Variants in MECOM observed in about 807,000 individuals in gnomAD.
MECOM encodes MDS1 and EVI1 complex locus.
In MECOM, 13 loss-of-function variants were observed where a neutral mutation model predicts 116.3. The ratio of observed to expected loss-of-function variants is 0.11; its 90% CI spans 0.07 to 0.18. The LOEUF (loss-of-function observed/expected upper bound fraction) is 0.18. Among genes scored for constraint, MECOM ranks in the 10% least tolerant of loss-of-function variants. The pLI, the probability that MECOM is intolerant of heterozygous loss-of-function variation, is 1.00. For synonymous variants in MECOM, 528 were observed against 535.2 expected, an observed-to-expected ratio of 0.99 and a Z score of 0.19; for missense variants, 1,299 against 1,509.0, an observed-to-expected ratio of 0.86 and a Z score of 2.31.
intron 1 of MECOM, among the ~76,000 whole-genome samples, chr3:169,578,891 T>A (rs1385932811): frequency 1.3e-5 from 2 of 152,196 alleles, no homozygotes; most frequent in African/African-American, 2.4e-5. Context: ...CTTTCAGATT[T>A]GGGTAAGACC....
chr3:169,611,880 A>G lies in MECOM; in HGVS notation c.37+51456T>C, dbSNP rs1030182157. ...AATTTAAGTAGCTGGAAATCATAAT[A>G]TCTATGATCCTCCAGAGTCTAGAAC... On this transcript the variant is annotated intron_variant, in intron 1 of 16. Coordinates refer to ENST00000651503, the MANE Select transcript of MECOM (RefSeq NM_004991.4). This position sits in a 1 kb window ranked among gnomAD's most constrained non-coding sequence, Gnocchi z 4.1. 1.3e-5 allele frequency among the ~76,000 whole-genome samples: 2 copies of G among 152,200 alleles called. No homozygotes were observed. The highest frequency in any genetic ancestry group is 2.9e-5 in the Non-Finnish European group (2 of 68,040).
intron 1 of MECOM, among the ~76,000 whole-genome samples, chr3:169,506,419 CT>C (rs1344636761): frequency 6.6e-6 from 1 of 151,766 alleles, no homozygotes; most frequent in Non-Finnish European, 1.5e-5. Context: ...CGACTTTCCT[CT>C]TGACTTCATC....
At position 169,156,278 on chromosome 3, in the gene MECOM, T is replaced by C. The variant is rs116188891; in HGVS notation, c.376-12446A>G. On this transcript the variant is annotated intron_variant, in intron 2 of 16. Transcript: ENST00000651503. ...TAGTAAAGAGACCTATTTGGCTTAT[T>C]CGACCAGGCATCATCGTAGGTAATT... Among the ~76,000 whole-genome samples, 1,255 of 152,308 alleles carry C rather than the reference T, an allele frequency of 8.2e-3. 8 individuals are homozygous for C. The highest frequency in any genetic ancestry group is 0.021 in the South Asian group (102 of 4,832).
chr3:169,445,852 AT>A (rs1225733171), intron 1 of MECOM, among the ~76,000 whole-genome samples: 2 of 152,202 alleles, frequency 1.3e-5, no homozygotes, highest in African/African-American at 4.8e-5. Context: ...TGAGACCTGG[AT>A]TCAAAGGAGA....
chr3:169,436,569 G>A (rs17486623), intron 1 of MECOM, among the ~76,000 whole-genome samples: 27,786 of 151,980 alleles, frequency 0.18, 3,102 homozygotes, highest in Non-Finnish European at 0.25. Context: ...TTTTCTACAC[G>A]TCAGTTTCTT....
intron 2 of MECOM, among the ~76,000 whole-genome samples, chr3:169,154,982 A>C (rs1305988957): frequency 6.6e-6 from 1 of 152,060 alleles, no homozygotes; most frequent in Non-Finnish European, 1.5e-5. Flanking sequence ...CCTTACTTAC[A>C]GGTGTGTCTT....
intron 3 of MECOM, among the ~76,000 whole-genome samples, chr3:169,135,997 C>T (rs576856452): frequency 1.3e-5 from 2 of 151,758 alleles, no homozygotes; most frequent in Admixed American, 6.6e-5. Flanking sequence ...AAACCCACAG[C>T]TTAAGGCATA....
chr3:169,405,054 G>A (rs1736477783), intron 1 of MECOM, among the ~76,000 whole-genome samples: 1 of 152,174 alleles, frequency 6.6e-6, no homozygotes, highest in South Asian at 2.1e-4. Flanking sequence ...ACAGCGAAAT[G>A]GCCACTCTGG....
intron 1 of MECOM, among the ~76,000 whole-genome samples, chr3:169,622,290 C>T (rs936480549): frequency 6.6e-6 from 1 of 152,140 alleles, no homozygotes; most frequent in Non-Finnish European, 1.5e-5. Flanking sequence ...CAGGGTTTCA[C>T]CATGTTGGCC....
At chr3:169,565,637 G>A (rs895868188) in intron 1 of MECOM, among the ~76,000 whole-genome samples, 2 of 152,138 alleles carry the variant, frequency 1.3e-5, no homozygotes, top group African/African-American at 4.8e-5. Flanking sequence ...GCTTCCCACT[G>A]ACAATGTTGT....
chr3:169,252,887 A>G (rs1405660991), intron 2 of MECOM, among the ~76,000 whole-genome samples: 1 of 152,186 alleles, frequency 6.6e-6, no homozygotes, highest in Non-Finnish European at 1.5e-5. Flanking sequence ...GATTTGGCAA[A>G]ACCAAAACCA....
intron 2 of MECOM, among the ~76,000 whole-genome samples, chr3:169,350,782 T>C (rs1468997906): frequency 1.3e-5 from 2 of 151,800 alleles, no homozygotes; most frequent in Non-Finnish European, 2.9e-5. Context: ...TAATAACAGG[T>C]CTATGGCTGT....
At chr3:169,235,980 T>G (rs1387722366) in intron 2 of MECOM, among the ~76,000 whole-genome samples, 1 of 152,118 alleles carries the variant, frequency 6.6e-6, no homozygotes, top group African/African-American at 2.4e-5. Context: ...GAAACTGGAT[T>G]TTTTTGAATT....
intron 2 of MECOM, among the ~76,000 whole-genome samples, chr3:169,249,934 C>A (rs1756044998): frequency 6.6e-6 from 1 of 152,136 alleles, no homozygotes; most frequent in African/African-American, 2.4e-5. Flanking sequence ...TTTTTAAATA[C>A]AAGGAAACGT....
At chr3:169,280,544 A>G (rs1380174060) in intron 2 of MECOM, among the ~76,000 whole-genome samples, 1 of 152,180 alleles carries the variant, frequency 6.6e-6, no homozygotes, top group Non-Finnish European at 1.5e-5. Flanking sequence ...AGCACACTAT[A>G]TTGGAAAATG....
At chr3:169,106,244 T>C (rs1489652440) in intron 10 of MECOM, among the ~76,000 whole-genome samples, 1 of 152,160 alleles carries the variant, frequency 6.6e-6, no homozygotes, top group African/African-American at 2.4e-5. Flanking sequence ...TATTTTATGG[T>C]TATCCCACTC....
intron 2 of MECOM, among the ~76,000 whole-genome samples, chr3:169,175,115 C>T (rs996595759): frequency 1.6e-4 from 24 of 152,144 alleles, no homozygotes; most frequent in Non-Finnish European, 2.6e-4. Flanking sequence ...TTACCCAACT[C>T]ACAAGTCTTT....
At position 169,116,541 on chromosome 3, in the gene MECOM, G is replaced by A; in HGVS notation, c.1331C>T (p.Ser444Leu). 6.2e-7 allele frequency: 1 copy of A among 1,614,138 alleles called. No individual in the cohort carries two copies. Among genetic ancestry groups the A allele is most frequent in the Non-Finnish European group, 8.5e-7 (1 of 1,180,020 alleles). The stretch of plus-strand genomic sequence containing the variant: ...ATCCATAGCTGGGGTTCCAGGAAGT[G>A]AAATGCCTTGGCCAAAAAATCCACC... ...AAGGFFGQGI[S>L]LPGTPAMDKT... Residue 444 changes from serine to leucine, a missense_variant, in exon 8 of 17, where the codon TCA becomes TTA. Physicochemically the swap from Ser to Leu is moderately radical, Grantham distance 145. Around this residue, in one of 6 missense-constraint regions of MECOM, gnomAD observed 238 missense variants for 273.1 expected, o/e 0.87. Coordinates refer to ENST00000651503, the MANE Select transcript of MECOM (RefSeq NM_004991.4).
chr3:169,296,894 T>A (rs1284724352), intron 2 of MECOM, among the ~76,000 whole-genome samples: 1 of 152,158 alleles, frequency 6.6e-6, no homozygotes, highest in African/African-American at 2.4e-5. Context: ...ACCCCAGAGG[T>A]GTAAACTATA....
Sources: allele counts gnomAD v4.1 joint callset (sites outside exome capture counted in the v4.1 genomes callset), GRCh38; gene constraint gnomAD v4.1.1; regional missense constraint gnomAD v4.1.1; non-coding constraint Gnocchi (gnomAD v3.1); transcripts MANE v1.5; gene names NCBI Gene and HGNC (gene_info 2026-07-23, HGNC 2026-07-21).